Variants in SUGCT observed in about 807,000 individuals in gnomAD.
SUGCT encodes succinyl-CoA:glutarate-CoA transferase, also known as succinyl-CoA:glutarate CoA-transferase.
Under a neutral mutation model 55.0 loss-of-function variants are expected in SUGCT, and 41 were observed. The ratio of observed to expected loss-of-function variants is 0.74; its 90% CI spans 0.58 to 0.97. The LOEUF is 0.97. SUGCT is among the 50% of genes least tolerant of loss of function. The probability of loss-of-function intolerance (pLI) is 0.00; values close to 1 mark genes in which losing one functional copy is unlikely to be tolerated. For synonymous variants in SUGCT, 187 were observed against 200.4 expected (o/e 0.93, Z 0.56); for missense variants, 568 against 547.8 (o/e 1.04, Z -0.37).
At chr7:40,943,484 T>C in the SUGCT span, among the ~76,000 whole-genome samples, 3 of 132,948 alleles carry the variant, frequency 2.3e-5, no homozygotes, top group Non-Finnish European at 4.6e-5. Flanking sequence ...CCTGTGTACA[T>C]GTGTTCTCAT....
intron 12 of SUGCT, among the ~76,000 whole-genome samples, chr7:40,591,475 C>T (rs1049211528): frequency 1.3e-5 from 2 of 152,164 alleles, no homozygotes; most frequent in Non-Finnish European, 1.5e-5. Flanking sequence ...ACTGAATCGA[C>T]AGCAAAGGAT....
intron 9 of SUGCT, among the ~76,000 whole-genome samples, chr7:40,418,031 G>A (rs1459629901): frequency 6.6e-6 from 1 of 152,136 alleles, no homozygotes; most frequent in Non-Finnish European, 1.5e-5. Context: ...GCTGCCTTCA[G>A]ACAGATGTGT....
At chr7:40,354,551 C>T (rs1188220858) in intron 9 of SUGCT, among the ~76,000 whole-genome samples, 3 of 152,146 alleles carry the variant, frequency 2.0e-5, no homozygotes, top group Non-Finnish European at 4.4e-5. Flanking sequence ...GAGGTGAAAT[C>T]TAATGAAAAG....
chr7:40,474,739 T>A (rs1036284750), intron 11 of SUGCT, among the ~76,000 whole-genome samples: 2 of 152,202 alleles, frequency 1.3e-5, no homozygotes, highest in African/African-American at 4.8e-5. Context: ...GAAGCTTGAA[T>A]CAAACTGCTC....
At chr7:40,649,640 A>G (rs185259324) in intron 12 of SUGCT, among the ~76,000 whole-genome samples, 29 of 152,270 alleles carry the variant, frequency 1.9e-4, no homozygotes, top group African/African-American at 6.5e-4. Context: ...AATTGGTTGA[A>G]TAGCTGATTT....
the SUGCT span, among the ~76,000 whole-genome samples, chr7:41,028,603 A>G: frequency 2.0e-5 from 3 of 152,254 alleles, no homozygotes; most frequent in Non-Finnish European, 2.9e-5. Flanking sequence ...TATTGTGCTG[A>G]GTACTGTAGG....
At chr7:40,290,671 A>G (rs570862658) in intron 8 of SUGCT, among the ~76,000 whole-genome samples, 1 of 152,294 alleles carries the variant, frequency 6.6e-6, no homozygotes, top group South Asian at 2.1e-4. Context: ...TAATTAAACT[A>G]AAGAGCTTCT....
intron 12 of SUGCT, among the ~76,000 whole-genome samples, chr7:40,516,265 A>G (rs905737046): frequency 1.3e-5 from 2 of 152,146 alleles, no homozygotes; most frequent in Admixed American, 1.3e-4. Context: ...TGTCTTGCAA[A>G]TATTATCTTC....
intron 12 of SUGCT, among the ~76,000 whole-genome samples, chr7:40,587,803 A>G (rs764424909): frequency 3.9e-5 from 6 of 152,042 alleles, no homozygotes; most frequent in Non-Finnish European, 8.8e-5. Flanking sequence ...CTCATATTTC[A>G]CTTATATAAA....
At chr7:40,206,578 ACAGTT>A (rs1230046360) in intron 6 of SUGCT, among the ~76,000 whole-genome samples, 1 of 152,210 alleles carries the variant, frequency 6.6e-6, no homozygotes, top group African/African-American at 2.4e-5. Flanking sequence ...TGGCAAACGT[ACAGTT>A]AAGTTTATAT....
chr7:40,489,301 T>C (rs1420172485), intron 11 of SUGCT, among the ~76,000 whole-genome samples: 1 of 152,118 alleles, frequency 6.6e-6, no homozygotes, highest in Non-Finnish European at 1.5e-5. Context: ...GATTTGGGAT[T>C]TTTAAAAATT....
intron 12 of SUGCT, among the ~76,000 whole-genome samples, chr7:40,560,328 A>G (rs66743443): frequency 0.14 from 20,832 of 152,046 alleles, 1,545 homozygotes; most frequent in Middle Eastern, 0.19. Flanking sequence ...TTTTCCCTCT[A>G]CTTTTTGGGT....
the SUGCT span, among the ~76,000 whole-genome samples, chr7:40,997,507 G>GCA: frequency 1.4e-4 from 22 of 151,798 alleles, no homozygotes; most frequent in East Asian, 1.9e-4. Flanking sequence ...CCACCACCCT[G>GCA]CACACACACA....
At chr7:40,746,676 G>C (rs548225219) in intron 12 of SUGCT, among the ~76,000 whole-genome samples, 1 of 152,158 alleles carries the variant, frequency 6.6e-6, no homozygotes, top group Non-Finnish European at 1.5e-5. Context: ...AACTGCTTCC[G>C]TGGAAAATTT....
At chr7:40,488,144 C>T (rs1287918398) in intron 11 of SUGCT, among the ~76,000 whole-genome samples, 1 of 150,352 alleles carries the variant, frequency 6.7e-6, no homozygotes, top group Non-Finnish European at 1.5e-5. Flanking sequence ...TTTTCTTTCT[C>T]TCTTGCTGTC....
intron 7 of SUGCT, among the ~76,000 whole-genome samples, chr7:40,242,715 G>T (rs1789490563): frequency 6.6e-6 from 1 of 151,116 alleles, no homozygotes; most frequent in Non-Finnish European, 1.5e-5. Context: ...CACTCAAAGA[G>T]TTTGGGGTTC....
chr7:40,670,517 C>T (rs756715110), intron 12 of SUGCT, among the ~76,000 whole-genome samples: 7 of 152,060 alleles, frequency 4.6e-5, no homozygotes, highest in African/African-American at 7.2e-5. Context: ...AGATATACTA[C>T]GAACAACTAT....
At chr7:40,327,139 A>G (rs1189647384) in intron 9 of SUGCT, among the ~76,000 whole-genome samples, 1 of 152,236 alleles carries the variant, frequency 6.6e-6, no homozygotes, top group Non-Finnish European at 1.5e-5. Context: ...CATGGATTGT[A>G]TGAACCCCCA....
chr7:40,609,118 G>A lies in SUGCT; in HGVS notation c.1089+112732G>A, dbSNP rs1798653524. Among the ~76,000 whole-genome samples the A allele has an allele frequency of 3.9e-5, 6 of 152,138 alleles. No individual in the cohort carries two copies. The South Asian group carries it at 1.3e-3, about 32-fold the overall frequency. ...TCTTGCTGTATGTATCTGTGATCTC[G>A]AGCACATTATTTAACCTCTTTGAGC... On this transcript the variant is annotated intron_variant, in intron 12 of 13. Coordinates refer to ENST00000335693, the MANE Select transcript of SUGCT (RefSeq NM_001193313.2).
Sources: allele counts gnomAD v4.1 joint callset (sites outside exome capture counted in the v4.1 genomes callset), GRCh38; gene constraint gnomAD v4.1.1; transcripts MANE v1.5; gene names NCBI Gene and HGNC (gene_info 2026-07-23, HGNC 2026-07-21).